The following C12orf54 variants were observed in gnomAD, a reference collection of about 807,000 sequenced individuals.
The protein encoded by C12orf54 is uncharacterized protein C12orf54.
C12orf54 carries 24 observed loss-of-function variants against 26.4 expected under a neutral mutation model. The observed-to-expected ratio is 0.91, with a 90% CI of 0.66 to 1.28. The LOEUF (loss-of-function observed/expected upper bound fraction) is 1.28, where lower values mean the gene tolerates loss of function less well. C12orf54 is among the 50% of genes most tolerant of loss of function. The pLI, the probability that C12orf54 is intolerant of heterozygous loss-of-function variation, is 0.00. For missense variants in C12orf54, 154 were observed against 150.9 expected (o/e 1.02, Z -0.11); for synonymous variants, 54 against 47.0 (o/e 1.15, Z -0.61).
chr12:48,430,527 A>T, the C12orf54 span, among the ~76,000 whole-genome samples: 1 of 152,202 alleles, frequency 6.6e-6, no homozygotes, highest in African/African-American at 2.4e-5. Flanking sequence ...AGATATACAA[A>T]TGGCCAAAAA....
chr12:48,450,800 A>G, the C12orf54 span, among the ~76,000 whole-genome samples: 1 of 152,182 alleles, frequency 6.6e-6, no homozygotes, highest in South Asian at 2.1e-4. Flanking sequence ...CCTGGAACAG[A>G]CCAATAACAA....
chr12:48,471,485 T>C, the C12orf54 span, among the ~76,000 whole-genome samples: 1 of 152,334 alleles, frequency 6.6e-6, no homozygotes, highest in South Asian at 2.1e-4. Context: ...AGTCTTGCAT[T>C]TAAAACTTTA....
the C12orf54 span, among the ~76,000 whole-genome samples, chr12:48,454,092 GTT>G: frequency 1.3e-5 from 1 of 75,806 alleles, no homozygotes. Flanking sequence ...CTCTTTTTTT[GTT>G]TGTTTTTTTT....
the C12orf54 span, among the ~76,000 whole-genome samples, chr12:48,440,463 A>T: frequency 0.13 from 20,151 of 152,186 alleles, 2,680 homozygotes; most frequent in East Asian, 0.66. Context: ...GTGTTTCATC[A>T]TCTAAAGGGT....
At chr12:48,440,719 T>C in the C12orf54 span, among the ~76,000 whole-genome samples, 1 of 152,214 alleles carries the variant, frequency 6.6e-6, no homozygotes, top group Non-Finnish European at 1.5e-5. Context: ...ACATGTTATT[T>C]ACAGTCTCTA....
In C12orf54 at chr12:48,494,865, CA is replaced by C; in HGVS notation, c.311del (p.Gln104ArgfsTer10). 1 of 1,613,276 alleles carries C rather than the reference CA, an allele frequency of 6.2e-7. No individual in the cohort carries two copies. The stretch of plus-strand genomic sequence containing the variant: ...AAGATTGCAGTTCAGCTCTGGAGAG[CA>C]GCCATCAGGAGGCCGTATCCACAAC... ...LRRLQFSSGE[Q>X]PSGGRIHNLK... On this transcript the variant is annotated frameshift_variant, in exon 8 of 9. Transcript: ENST00000548364. LOFTEE classifies it high-confidence loss of function.
chr12:48,494,797 G>A lies in C12orf54; in HGVS notation c.243-1G>A. The A allele has an allele frequency of 1.2e-6, 2 of 1,613,582 alleles. No individual in the cohort carries two copies. The highest frequency in any genetic ancestry group is 2.2e-5 in the South Asian group (2 of 91,062). On this transcript the variant is annotated splice_acceptor_variant, in intron 7 of 8. Transcript: ENST00000548364. LOFTEE classifies it high-confidence loss of function. The stretch of plus-strand genomic sequence containing the variant: ...CTACAACTTTCTCTATTTTGGCACA[G>A]AAGCATAAGGCCTCCAGATTCCTTG...
chr12:48,440,660 G>C, the C12orf54 span, among the ~76,000 whole-genome samples: 4 of 152,172 alleles, frequency 2.6e-5, no homozygotes, highest in Non-Finnish European at 5.9e-5. Context: ...TCCCCTCATA[G>C]CTACAGATGG....
At chr12:48,418,596 A>C in the C12orf54 span, among the ~76,000 whole-genome samples, 2 of 152,216 alleles carry the variant, frequency 1.3e-5, no homozygotes, top group African/African-American at 4.8e-5. Context: ...TTCTCAATGC[A>C]TGTGAGGAAT....
At chr12:48,486,103 T>C (rs1240951700) in intron 2 of C12orf54, 75 bp from the exon 3 acceptor site, 6 of 1,388,668 alleles carry the variant, frequency 4.3e-6, no homozygotes, top group Non-Finnish European at 5.1e-6. Flanking sequence ...CTAGGAGTGA[T>C]AGAATAGAGT....
chr12:48,495,351 C>T (rs1211743682), intron 8 of C12orf54, among the ~76,000 whole-genome samples: 1 of 152,090 alleles, frequency 6.6e-6, no homozygotes, highest in Non-Finnish European at 1.5e-5. Context: ...AATGTGAGTC[C>T]TATAATTCCC....
chr12:48,493,125 T>G (rs1435672459), intron 7 of C12orf54, 130 bp downstream of exon 7: 22 of 786,660 alleles, frequency 2.8e-5, no homozygotes, highest in Non-Finnish European at 4.6e-5. Flanking sequence ...GGGCAAGAAG[T>G]GCCTCCCCAC....
the C12orf54 span, among the ~76,000 whole-genome samples, chr12:48,446,331 A>G: frequency 6.6e-6 from 1 of 152,188 alleles, no homozygotes; most frequent in Admixed American, 6.5e-5. Flanking sequence ...TGCTGTAACA[A>G]CTCCAAAACT....
At chr12:48,472,611 G>T in the C12orf54 span, 9 of 1,606,234 alleles carry the variant, frequency 5.6e-6, no homozygotes, top group Non-Finnish European at 4.2e-6. Context: ...TGGGTTCGGG[G>T]TTTATTGGTT....
chr12:48,460,470 C>T, the C12orf54 span, among the ~76,000 whole-genome samples: 1 of 138,726 alleles, frequency 7.2e-6, no homozygotes, highest in African/African-American at 2.7e-5. Flanking sequence ...GAAAATGACA[C>T]CAGATGGAAA....
At chr12:48,416,393 C>T in the C12orf54 span, among the ~76,000 whole-genome samples, 1 of 152,200 alleles carries the variant, frequency 6.6e-6, no homozygotes, top group South Asian at 2.1e-4. Context: ...TCTTCTGTGC[C>T]AAAGCCTCTG....
chr12:48,436,910 C>G, the C12orf54 span, among the ~76,000 whole-genome samples: 3 of 152,068 alleles, frequency 2.0e-5, no homozygotes, highest in Non-Finnish European at 2.9e-5. Flanking sequence ...AAGATCAGAG[C>G]AGAACTGAAG....
intron 6 of C12orf54, among the ~76,000 whole-genome samples, chr12:48,491,095 C>G (rs1345134985): frequency 6.6e-6 from 1 of 152,210 alleles, no homozygotes; most frequent in Non-Finnish European, 1.5e-5. Flanking sequence ...TCTCCTCTGT[C>G]CAGCTCAATT....
At chr12:48,477,319 A>G in the C12orf54 span, among the ~76,000 whole-genome samples, 2 of 152,230 alleles carry the variant, frequency 1.3e-5, no homozygotes, top group South Asian at 4.1e-4. Context: ...TGACACCCTA[A>G]CATCACAATT....
Sources: allele counts gnomAD v4.1 joint callset (sites outside exome capture counted in the v4.1 genomes callset), GRCh38; gene constraint gnomAD v4.1.1; transcripts MANE v1.5; gene names NCBI Gene and HGNC (gene_info 2026-07-23, HGNC 2026-07-21).